CDK11A: variants seen among roughly 807,000 people sequenced by gnomAD.
The protein encoded by CDK11A is cyclin-dependent kinase 11A.
In CDK11A, 55 loss-of-function variants were observed where a neutral mutation model predicts 83.6. The observed-to-expected ratio is 0.66, with a 90% CI of 0.53 to 0.82. The LOEUF (loss-of-function observed/expected upper bound fraction) is 0.82, where lower values mean the gene tolerates loss of function less well. CDK11A is among the 40% of genes least tolerant of loss of function. The probability of loss-of-function intolerance (pLI) is 0.00; values close to 1 mark genes in which losing one functional copy is unlikely to be tolerated. For synonymous variants in CDK11A, 247 were observed against 302.7 expected (o/e 0.82, Z 1.91); for missense variants, 564 against 810.1 (o/e 0.70, Z 3.69).
chr1:1,704,426 A>G (rs1429139121), intron 14 of CDK11A, 82 bp from the exon 15 acceptor site: 1 of 1,568,008 alleles, frequency 6.4e-7, no homozygotes, highest in Non-Finnish European at 8.7e-7. Flanking sequence ...CTCGGCAGCA[A>G]CAGAGGCTTC....
Position 1,719,271 on chromosome 1 carries a change from G to C in CDK11A, c.355+57C>G, listed in dbSNP as rs1570431317. On this transcript the variant is annotated intron_variant, in intron 4 of 19. Coordinates refer to ENST00000404249, the MANE Select transcript of CDK11A (RefSeq NM_024011.4). ...TGCTCTGGGGAAGGCAGAAGAGTAG[G>C]AACAGGAAAGAAACCACACTTGAAC... 1.0e-5 allele frequency: 14 copies of C among 1,402,910 alleles called. No individual in the cohort carries two copies. In the East Asian group the frequency reaches 2.7e-4, roughly 27 times the overall value. The allele number at this position is 1,402,910 out of a possible 1,614,324, so 86.9% of individuals were successfully genotyped here. A position where few individuals can be genotyped will look rare whatever the true frequency, so the allele number is the denominator to read the frequency against.
chr1:1,720,002 G>A (rs1644842873), intron 3 of CDK11A, among the ~76,000 whole-genome samples: 1 of 151,020 alleles, frequency 6.6e-6, no homozygotes, highest in Non-Finnish European at 1.5e-5. Flanking sequence ...CCTGCAGGGG[G>A]TGAGGGGCAG....
At chr1:1,719,121 T>C in intron 4 of CDK11A, 1 of 359,914 alleles carries the variant, frequency 2.8e-6, no homozygotes, top group South Asian at 4.4e-5. Context: ...GTTTGCTCTC[T>C]ATAGCCCCTC....
At chr1:1,722,522 C>A in intron 2 of CDK11A, 186 bp downstream of exon 2, 2 of 573,356 alleles carry the variant, frequency 3.5e-6, no homozygotes, top group Non-Finnish European at 6.4e-6. Context: ...TCAATCTAGA[C>A]ACAGCTTTAG....
chr1:1,719,405 C>G lies in CDK11A; in HGVS notation c.278G>C (p.Arg93Pro). The G allele has an allele frequency of 6.5e-7, 1 of 1,537,180 alleles. No individual in the cohort carries two copies. The highest frequency in any genetic ancestry group is 8.7e-7 in the Non-Finnish European group (1 of 1,144,702). ...LAIKPPQQMS[R>P]KEKVHHRKDE... ...TTTTCTGTGATGAACTTTTTCTTTCCGAGACATTTGCTGGGGTGGTTTGAT... is the reference window on the plus strand; with the variant it reads ...TTTTCTGTGATGAACTTTTTCTTTCGGAGACATTTGCTGGGGTGGTTTGAT... The change falls in exon 4 of 20, where the codon CGG (arginine) becomes CCG (proline). Residue 93 changes from arginine (R) to proline (P), a missense_variant. Transcript: ENST00000404249.
chr1:1,717,578 A>G (rs1351970601), intron 4 of CDK11A, among the ~76,000 whole-genome samples: 1 of 150,662 alleles, frequency 6.6e-6, no homozygotes, highest in African/African-American at 2.4e-5. Flanking sequence ...TGGACTAGCC[A>G]TTCTGAATGG....
rs1192245768 is a variant in CDK11A at position 1,703,844 on chromosome 1, G to A, written c.1891C>T (p.Gln631Ter). ...PLFPGNSEID[Q>*]INKVFKELGT... Reference sequence around the variant, plus strand: ...CCCACCTTGAACACTTTGTTGATCTGATCGATTTCCGAATTCCCGGGGAAC... The same window carrying A: ...CCCACCTTGAACACTTTGTTGATCTAATCGATTTCCGAATTCCCGGGGAAC... The change falls in exon 17 of 20, where the codon CAG (glutamine) becomes TAG (stop). Residue 631 changes from glutamine to a stop codon, truncating the protein, a stop_gained. Transcript: ENST00000404249. LOFTEE classifies it high-confidence loss of function. The A allele has an allele frequency of 3.1e-6, 5 of 1,609,760 alleles. No individual in the cohort carries two copies. The highest frequency in any genetic ancestry group is 4.2e-6 in the Non-Finnish European group (5 of 1,176,984).
At position 1,721,956 on chromosome 1, in the gene CDK11A, C is replaced by T; in HGVS notation, c.112-245G>A. 7.4e-6 allele frequency: 3 copies of T among 407,514 alleles called. No homozygotes were observed. In the South Asian group the frequency reaches 7.5e-5, roughly 10 times the overall value. The allele number at this position is 407,514 out of a possible 1,614,324, so 25.2% of individuals were successfully genotyped here. A position where few individuals can be genotyped will look rare whatever the true frequency, so the allele number is the denominator to read the frequency against. ...CACGAGGTCAGGACATTAAGACCAT[C>T]CTGGCTAACACGGAGAGACCCCATC... On this transcript the variant is annotated intron_variant, in intron 2 of 19. Coordinates refer to ENST00000404249, the MANE Select transcript of CDK11A (RefSeq NM_024011.4).
intron 5 of CDK11A, among the ~76,000 whole-genome samples, chr1:1,715,813 C>T (rs1399163352): frequency 6.6e-6 from 1 of 151,104 alleles, no homozygotes; most frequent in African/African-American, 2.4e-5. Context: ...TGGGGCTACA[C>T]CGATGTTCTT....
chr1:1,703,864 G>C lies in CDK11A; in HGVS notation c.1871C>G (p.Pro624Arg), dbSNP rs1371540541. The C allele has an allele frequency of 6.2e-7, 1 of 1,609,704 alleles. No individual in the cohort carries two copies. The highest frequency in any genetic ancestry group is 8.5e-7 in the Non-Finnish European group (1 of 1,176,970). Reference protein sequence around the residue: ...GELLTQKPLFPGNSEIDQINK... With the variant: ...GELLTQKPLFRGNSEIDQINK... ...GATCTGATCGATTTCCGAATTCCCG[G>C]GGAACAGAGGCTTCTGAGTCAGCAG... Residue 624 changes from proline to arginine, a missense_variant, in exon 17 of 20, where the codon CCC becomes CGC. Around this residue, in one of 5 missense-constraint regions of CDK11A, gnomAD observed 361 missense variants for 402.7 expected, o/e 0.90. Coordinates refer to ENST00000404249, the MANE Select transcript of CDK11A (RefSeq NM_024011.4).
rs754768405 is a variant in CDK11A at position 1,719,449 on chromosome 1, T to C, written c.234A>G (p.Glu78=). Residue 78 remains glutamate, a synonymous_variant, in exon 4 of 20, where the codon GAA becomes GAG. Coordinates refer to ENST00000404249, the MANE Select transcript of CDK11A (RefSeq NM_024011.4). The stretch of plus-strand genomic sequence containing the variant: ...GTTTGATGGCCAAAGAATCATCTTC[T>C]TCTCCTCTGAAATAAAACACAACAG... ...RREDSMEDRG[E]EDDSLAIKPP... 1 of 1,502,220 alleles carries C rather than the reference T, an allele frequency of 6.7e-7. No homozygotes were observed. Among genetic ancestry groups the C allele is most frequent in the African/African-American group, 1.4e-5 (1 of 70,286 alleles). The allele number at this position is 1,502,220 out of a possible 1,614,324, so 93.1% of individuals were successfully genotyped here.
chr1:1,718,719 C>G (rs1374926054), intron 4 of CDK11A, among the ~76,000 whole-genome samples: 1 of 148,880 alleles, frequency 6.7e-6, no homozygotes, highest in African/African-American at 2.5e-5. Context: ...TCACTGCAAG[C>G]TCCGCCTCCC....
At chr1:1,717,776 A>T (rs969068179) in intron 4 of CDK11A, among the ~76,000 whole-genome samples, 2 of 150,188 alleles carry the variant, frequency 1.3e-5, no homozygotes, top group African/African-American at 4.9e-5. Context: ...TTTCAGCTAG[A>T]GTTTGCTCTC....
In CDK11A at chr1:1,704,099, G is replaced by A; in HGVS notation, c.1734C>T (p.Ala578=). 6.2e-7 allele frequency: 1 copy of A among 1,600,838 alleles called. No homozygotes were observed. Among genetic ancestry groups the A allele is most frequent in the South Asian group, 1.1e-5 (1 of 89,722 alleles). Residue 578 remains alanine (A), a synonymous_variant, in exon 16 of 20, where the codon GCC becomes GCT. Transcript: ENST00000404249. ...ACTGGGTCACCACGACCGGGGTGTA[G>A]GCCTTCAGAGGGGATCCGTACTCCC... ...LAREYGSPLK[A]YTPVVVTQWY...
intron 6 of CDK11A, among the ~76,000 whole-genome samples, chr1:1,710,614 G>GA (rs1243376503): frequency 1.3e-5 from 2 of 148,250 alleles, no homozygotes; most frequent in Non-Finnish European, 3.0e-5. Context: ...ATTCAGAGGG[G>GA]AAAAAAAGAA....
chr1:1,718,332 A>C (rs1644760015), intron 4 of CDK11A, among the ~76,000 whole-genome samples: 1 of 140,666 alleles, frequency 7.1e-6, no homozygotes, highest in African/African-American at 2.7e-5. Flanking sequence ...AGCCCCTCTG[A>C]ACGGTCTGTG....
intron 16 of CDK11A, 39 bp from the exon 17 acceptor site, chr1:1,703,979 C>G (rs193244886): frequency 1.2e-6 from 2 of 1,607,330 alleles, no homozygotes; most frequent in African/African-American, 1.3e-5. Flanking sequence ...GGCCAGTGCC[C>G]GCGAAGCTGT....
chr1:1,714,613 T>A (rs1258805331), intron 5 of CDK11A, among the ~76,000 whole-genome samples: 2 of 60,962 alleles, frequency 3.3e-5, no homozygotes, highest in African/African-American at 7.1e-5. Flanking sequence ...TTTTCAACCT[T>A]GGCTTCCTAG....
intron 4 of CDK11A, among the ~76,000 whole-genome samples, chr1:1,718,790 C>G (rs1376669347): frequency 6.6e-6 from 1 of 150,846 alleles, no homozygotes; most frequent in South Asian, 2.1e-4. Flanking sequence ...GTGCCCGCCA[C>G]CACGCCCGGC....
Sources: gnomAD v4.1 joint callset for allele counts (sites outside exome capture counted in the v4.1 genomes callset) on GRCh38, gnomAD v4.1.1 for gene constraint, gnomAD v4.1.1 regional missense constraint, MANE v1.5 for transcripts, NCBI Gene and HGNC (gene_info 2026-07-23, HGNC 2026-07-21) for gene names.